Variants in HPCAL1 observed in about 807,000 individuals in gnomAD.
The protein encoded by HPCAL1 is hippocalcin like 1, also known as hippocalcin-like protein 1.
A neutral mutation model predicts 17.1 loss-of-function variants in HPCAL1; 8 were observed. That is an observed-to-expected ratio of 0.47 (90% confidence interval 0.27 to 0.84). The LOEUF (loss-of-function observed/expected upper bound fraction) is 0.84, where lower values mean the gene tolerates loss of function less well. HPCAL1 is among the 40% of genes least tolerant of loss of function. HPCAL1 has a pLI of 0.13. For synonymous variants in HPCAL1, 112 were observed against 111.4 expected, an observed-to-expected ratio of 1.01 and a Z score of -0.03; for missense variants, 165 against 271.1, an observed-to-expected ratio of 0.61 and a Z score of 2.75.
intron 1 of HPCAL1, among the ~76,000 whole-genome samples, chr2:10,389,236 C>T (rs1014716857): frequency 6.6e-6 from 1 of 152,222 alleles, no homozygotes; most frequent in Non-Finnish European, 1.5e-5. Flanking sequence ...TAATCCACCC[C>T]CTAATTTGCA....
chr2:10,396,169 C>A (rs573291265), intron 1 of HPCAL1, among the ~76,000 whole-genome samples: 2 of 152,220 alleles, frequency 1.3e-5, no homozygotes, highest in African/African-American at 4.8e-5. Context: ...AGCTGAGCTG[C>A]GGGCTGAATG....
At chr2:10,418,035 CA>C (rs1015325788) in intron 2 of HPCAL1, among the ~76,000 whole-genome samples, 1 of 150,928 alleles carries the variant, frequency 6.6e-6, no homozygotes, top group Non-Finnish European at 1.5e-5. Context: ...GAGCCTGTCT[CA>C]AAAAATAAAT....
chr2:10,308,487 C>T (rs1662761429), intron 1 of HPCAL1, among the ~76,000 whole-genome samples: 1 of 152,138 alleles, frequency 6.6e-6, no homozygotes, highest in Non-Finnish European at 1.5e-5. Flanking sequence ...CCTTTTCTTT[C>T]TATGTTTCTT....
chr2:10,364,517 T>TC (rs1443403209), intron 1 of HPCAL1, among the ~76,000 whole-genome samples: 1 of 151,688 alleles, frequency 6.6e-6, no homozygotes, highest in Admixed American at 6.6e-5. Context: ...CCTCGCTGCT[T>TC]CCCTCGGGAT....
chr2:10,313,918 G>A (rs978642925), intron 1 of HPCAL1, among the ~76,000 whole-genome samples: 3 of 152,014 alleles, frequency 2.0e-5, no homozygotes, highest in African/African-American at 7.3e-5. Context: ...AAATTACGAA[G>A]TCAGGAGTTC....
rs140288531 is a variant in HPCAL1 at position 10,366,011 on chromosome 2, G to A, written c.-110-30824G>A. Among the ~76,000 whole-genome samples the A allele has an allele frequency of 3.7e-3, 562 of 152,258 alleles. 1 individual carries two copies. Among genetic ancestry groups the A allele is most frequent in the Middle Eastern group, 6.8e-3 (2 of 294 alleles). On this transcript the variant is annotated intron_variant, in intron 1 of 4. Coordinates refer to ENST00000307845, the MANE Select transcript of HPCAL1 (RefSeq NM_002149.4). ...TCTTTCCTCAAGCTCAGTGCAGTTC[G>A]TCCACGTTTGCCCAGCAGCACGCCT... is the stretch of plus-strand genomic sequence containing the variant.
chr2:10,322,142 C>T (rs913792946), intron 1 of HPCAL1, among the ~76,000 whole-genome samples: 1 of 152,164 alleles, frequency 6.6e-6, no homozygotes, highest in Non-Finnish European at 1.5e-5. Flanking sequence ...CCTGCCTCAG[C>T]CTCTTGAGTT....
At chr2:10,341,290 T>C (rs961157162) in intron 1 of HPCAL1, among the ~76,000 whole-genome samples, 1 of 151,920 alleles carries the variant, frequency 6.6e-6, no homozygotes, top group South Asian at 2.1e-4. Flanking sequence ...TGAAACCCCA[T>C]CTCTACAAAA....
Position 10,323,750 on chromosome 2 carries a change from A to G in HPCAL1, c.-111+20573A>G, listed in dbSNP as rs1333534905. Among the ~76,000 whole-genome samples, 1 of 152,260 alleles carries G rather than the reference A, an allele frequency of 6.6e-6. No individual in the cohort carries two copies. The highest frequency in any genetic ancestry group is 1.5e-5 in the Non-Finnish European group (1 of 68,050). ...CCATTCATTCCACAAATATTTATGGAGTGCCTACTGTATGCCAGGGATTCT... is the reference window on the plus strand; with the variant it reads ...CCATTCATTCCACAAATATTTATGGGGTGCCTACTGTATGCCAGGGATTCT... On this transcript the variant is annotated intron_variant, in intron 1 of 4. Transcript: ENST00000307845. The surrounding 1 kb of genome is among the most constrained non-coding windows in gnomAD (Gnocchi z 4.6).
At chr2:10,391,592 G>T (rs546587909) in intron 1 of HPCAL1, among the ~76,000 whole-genome samples, 4 of 152,064 alleles carry the variant, frequency 2.6e-5, no homozygotes, top group African/African-American at 7.2e-5. Context: ...AAGGAAACCC[G>T]TACCCTTTAC....
In HPCAL1 at chr2:10,330,804, C is replaced by G. The variant is rs1359504248; in HGVS notation, c.-111+27627C>G. Among the ~76,000 whole-genome samples, 2 of 152,218 alleles carry G rather than the reference C, an allele frequency of 1.3e-5. No homozygotes were observed. Among genetic ancestry groups the G allele is most frequent in the Non-Finnish European group, 2.9e-5 (2 of 68,042 alleles). ...CAGTCCACGTTAACTCACTTCCTGC[C>G]CACGGCAGGGGCTCTCTGTCAGTGT... On this transcript the variant is annotated intron_variant, in intron 1 of 4. Transcript: ENST00000307845. This position sits in a 1 kb window ranked among gnomAD's most constrained non-coding sequence, Gnocchi z 4.2.
rs200148398 is a variant in HPCAL1, at chr2:10,384,028, C to CA, written c.-110-12807_-110-12806insA. Among the ~76,000 whole-genome samples, 97,575 of 149,330 alleles carry CA rather than the reference C, an allele frequency of 0.65. 32,465 individuals carry two copies. The highest frequency in any genetic ancestry group is 0.8 in the East Asian group (4,018 of 5,010). ...CATATACATCGCGTACACACACACACCCACACACACACACACCTTTTGCTG... is the reference window on the plus strand; with the variant it reads ...CATATACATCGCGTACACACACACACACCACACACACACACACCTTTTGCTG... On this transcript the variant is annotated intron_variant, in intron 1 of 4. Transcript: ENST00000307845. This position sits in a 1 kb window ranked among gnomAD's most constrained non-coding sequence, Gnocchi z 4.4.
At chr2:10,424,531 T>C (rs1475836188) in intron 4 of HPCAL1, 1 of 471,042 alleles carries the variant, frequency 2.1e-6, no homozygotes, top group Non-Finnish European at 4.4e-6. Context: ...ACAGTGTCCC[T>C]GGGGAAGCCA....
intron 1 of HPCAL1, among the ~76,000 whole-genome samples, chr2:10,376,731 C>G (rs1667583223): frequency 6.6e-6 from 1 of 152,122 alleles, no homozygotes; most frequent in African/African-American, 2.4e-5. Flanking sequence ...GCCACTGCCC[C>G]CAGCCTTTAT....
intron 1 of HPCAL1, among the ~76,000 whole-genome samples, chr2:10,358,580 C>T (rs1295839921): frequency 2.0e-5 from 3 of 152,164 alleles, no homozygotes; most frequent in African/African-American, 7.2e-5. Context: ...GAGAGGAACA[C>T]GTGGGTGGAA....
chr2:10,344,567 A>G lies in HPCAL1; in HGVS notation c.-111+41390A>G, dbSNP rs1363567201. ...CTGTGCAAAGAAATGAAGAAAAGCTATCGGGGCATCTGCAGCCACTATTAT... is the reference window on the plus strand; with the variant it reads ...CTGTGCAAAGAAATGAAGAAAAGCTGTCGGGGCATCTGCAGCCACTATTAT... On this transcript the variant is annotated intron_variant, in intron 1 of 4. Coordinates refer to ENST00000307845, the MANE Select transcript of HPCAL1 (RefSeq NM_002149.4). The surrounding 1 kb of genome is among the most constrained non-coding windows in gnomAD (Gnocchi z 4.9). 6.6e-6 allele frequency among the ~76,000 whole-genome samples: 1 copy of G among 152,256 alleles called. No homozygotes were observed. Among genetic ancestry groups the G allele is most frequent in the African/African-American group, 2.4e-5 (1 of 41,470 alleles).
intron 1 of HPCAL1, among the ~76,000 whole-genome samples, chr2:10,311,641 T>C (rs1662966418): frequency 6.6e-6 from 1 of 152,054 alleles, no homozygotes; most frequent in Non-Finnish European, 1.5e-5. Flanking sequence ...AGAGCACAGG[T>C]AAGGAATTCC....
intron 1 of HPCAL1, among the ~76,000 whole-genome samples, chr2:10,322,153 G>T (rs1663706596): frequency 6.6e-6 from 1 of 152,086 alleles, no homozygotes; most frequent in African/African-American, 2.4e-5. Context: ...CTCTTGAGTT[G>T]CTGGGACTAC....
intron 1 of HPCAL1, among the ~76,000 whole-genome samples, chr2:10,332,623 G>C (rs1011690827): frequency 3.3e-5 from 5 of 152,192 alleles, no homozygotes; most frequent in African/African-American, 1.2e-4. Flanking sequence ...TTTATTCGAG[G>C]AAAATGCAGT....
Sources: gnomAD v4.1 joint callset for allele counts (sites outside exome capture counted in the v4.1 genomes callset) on GRCh38, gnomAD v4.1.1 for gene constraint, Gnocchi (gnomAD v3.1) non-coding constraint, MANE v1.5 for transcripts, NCBI Gene and HGNC (gene_info 2026-07-23, HGNC 2026-07-21) for gene names.